COPG1: variants seen among roughly 807,000 people sequenced by gnomAD.
COPG1 encodes the protein coatomer subunit gamma-1.
In COPG1, 29 loss-of-function variants were observed where a neutral mutation model predicts 102.8. That is an observed-to-expected ratio of 0.28 (90% CI 0.21 to 0.38). The LOEUF is 0.38. Among genes scored for constraint, COPG1 ranks in the 10% least tolerant of loss-of-function variants. The pLI is 1.00. For missense variants in COPG1, 875 were observed against 1,132.7 expected (o/e 0.77, Z 3.27); for synonymous variants, 406 against 421.6 (o/e 0.96, Z 0.45).
chr3:129,259,546 C>T (rs1195420693), intron 10 of COPG1, among the ~76,000 whole-genome samples: 5 of 151,782 alleles, frequency 3.3e-5, no homozygotes, highest in African/African-American at 9.7e-5. Flanking sequence ...TATTATATCC[C>T]CCATATTTCC....
chr3:129,254,422 C>G, intron 5 of COPG1: 2 of 477,848 alleles, frequency 4.2e-6, no homozygotes, highest in Non-Finnish European at 7.5e-6. Context: ...GAGTTACATT[C>G]AGGTCACTGG....
chr3:129,267,948 A>G lies in COPG1; in HGVS notation c.1556A>G (p.Asp519Gly). 6.2e-7 allele frequency: 1 copy of G among 1,613,992 alleles called. No homozygotes were observed. The highest frequency in any genetic ancestry group is 8.5e-7 in the Non-Finnish European group (1 of 1,179,920). The change falls in exon 16 of 24, where the codon GAT becomes GGT. Residue 519 changes from aspartate (D) to glycine (G), a missense_variant. Coordinates refer to ENST00000314797, the MANE Select transcript of COPG1 (RefSeq NM_016128.4). ...ILVLLKRCVM[D>G]DDNEVRDRAT... ...TGTCCTGGCTGCAGGTGTGTGATGGATGATGACAATGAAGTAAGGGACCGA... is the reference window on the plus strand; with the variant it reads ...TGTCCTGGCTGCAGGTGTGTGATGGGTGATGACAATGAAGTAAGGGACCGA...
chr3:129,260,449 G>A (rs1485463873), intron 11 of COPG1, 49 bp downstream of exon 11: 5 of 1,586,914 alleles, frequency 3.2e-6, no homozygotes, highest in Non-Finnish European at 4.3e-6. Context: ...TCCAACTGGA[G>A]GTGTGTCCTA....
intron 12 of COPG1, among the ~76,000 whole-genome samples, chr3:129,263,198 G>T (rs997285368): frequency 6.6e-6 from 1 of 152,114 alleles, no homozygotes; most frequent in Admixed American, 6.6e-5. Flanking sequence ...TGAGGGTTGA[G>T]GGGTGGATGT....
At position 129,268,770 on chromosome 3, in the gene COPG1, G is replaced by GAGACAC. The variant is rs371123192; in HGVS notation, c.1774+152_1775-155dup. 3.9e-4 allele frequency: 442 copies of GAGACAC among 1,145,014 alleles called. No individual in the cohort carries two copies. In the African/African-American group the frequency reaches 6.0e-3, roughly 16 times the overall value. The allele number at this position is 1,145,014 out of a possible 1,614,324, so 70.9% of individuals were successfully genotyped here. On this transcript the variant is annotated intron_variant, in intron 17 of 23. Coordinates refer to ENST00000314797, the MANE Select transcript of COPG1 (RefSeq NM_016128.4). ...TTTCCACCTCTGGCTCCAGAAAATA[G>GAGACAC]AGACACACATACACACAGACGTGGG...
intron 2 of COPG1, among the ~76,000 whole-genome samples, chr3:129,251,052 T>C (rs966244315): frequency 3.4e-5 from 5 of 148,614 alleles, no homozygotes; most frequent in Non-Finnish European, 5.9e-5. Flanking sequence ...GCCTCCCAAG[T>C]AGCTGGGACT....
chr3:129,276,823 CTTTTTTTT>C (rs34883126), intron 23 of COPG1, among the ~76,000 whole-genome samples: 1,427 of 129,962 alleles, frequency 0.011, 25 homozygotes, highest in African/African-American at 0.04. Context: ...CAGTGACTTT[CTTTTTTTT>C]TTTTTTTTTT....
intron 21 of COPG1, among the ~76,000 whole-genome samples, 175 bp from the exon 22 acceptor site, chr3:129,274,663 C>T (rs1460056546): frequency 6.6e-6 from 1 of 152,160 alleles, no homozygotes; most frequent in Non-Finnish European, 1.5e-5. Flanking sequence ...TGCCTTTGGG[C>T]ACCTCAAGGA....
intron 13 of COPG1, 148 bp downstream of exon 13, chr3:129,264,147 T>C (rs1940006259): frequency 1.5e-6 from 1 of 683,356 alleles, no homozygotes; most frequent in African/African-American, 1.8e-5. Context: ...TTAAACTCCT[T>C]GTGGACATGT....
chr3:129,250,623 C>A, intron 1 of COPG1, 59 bp from the exon 2 acceptor site: 1 of 1,367,668 alleles, frequency 7.3e-7, no homozygotes, highest in Non-Finnish European at 1.0e-6. Context: ...TTACCTATGT[C>A]TGGGAGAGTT....
chr3:129,261,519 G>A (rs953116202), intron 12 of COPG1, among the ~76,000 whole-genome samples: 1 of 152,172 alleles, frequency 6.6e-6, no homozygotes, highest in Non-Finnish European at 1.5e-5. Context: ...TTCTTTTGGG[G>A]CAGGAGGAAG....
intron 23 of COPG1, among the ~76,000 whole-genome samples, chr3:129,276,911 C>T (rs1045234136): frequency 6.6e-6 from 1 of 150,920 alleles, no homozygotes; most frequent in Non-Finnish European, 1.5e-5. Flanking sequence ...GCAACCTCCG[C>T]CTCCCGGGTT....
chr3:129,261,764 A>G (rs1939930168), intron 12 of COPG1, among the ~76,000 whole-genome samples: 1 of 152,168 alleles, frequency 6.6e-6, no homozygotes, highest in African/African-American at 2.4e-5. Flanking sequence ...GTTCTATGCA[A>G]GATGTCATGT....
intron 11 of COPG1, 27 bp from the exon 12 acceptor site, chr3:129,260,592 C>T: frequency 6.2e-7 from 1 of 1,610,138 alleles, no homozygotes; most frequent in Non-Finnish European, 8.5e-7. Context: ...GGTTCCTGCC[C>T]TCTCTGTCAC....
chr3:129,262,077 G>T (rs1489893577), intron 12 of COPG1, among the ~76,000 whole-genome samples: 3 of 152,048 alleles, frequency 2.0e-5, no homozygotes, highest in African/African-American at 7.2e-5. Context: ...TGGGTTACAA[G>T]AATGCTTTGC....
In COPG1 at chr3:129,275,436, G is replaced by A. The variant is rs1460713926; in HGVS notation, c.2494+144G>A. The A allele has an allele frequency of 3.2e-6, 2 of 623,886 alleles. No individual in the cohort carries two copies. The highest frequency in any genetic ancestry group is 1.8e-5 in the African/African-American group (1 of 54,806). The allele number at this position is 623,886 out of a possible 1,614,324, so 38.6% of individuals were successfully genotyped here. A position where few individuals can be genotyped will look rare whatever the true frequency, so the allele number is the denominator to read the frequency against. On this transcript the variant is annotated intron_variant, in intron 23 of 23. Coordinates refer to ENST00000314797, the MANE Select transcript of COPG1 (RefSeq NM_016128.4). The surrounding 1 kb of genome is among the most constrained non-coding windows in gnomAD (Gnocchi z 5.0). ...CACAAAGTATAAAATAATCTGCAGC[G>A]AAATGTTTCCTCCCTACCTTGGCTG... is the stretch of plus-strand genomic sequence containing the variant.
At chr3:129,259,476 AAAAAG>A (rs1388288952) in intron 10 of COPG1, among the ~76,000 whole-genome samples, 26 of 151,048 alleles carry the variant, frequency 1.7e-4, no homozygotes, top group South Asian at 8.3e-4. Flanking sequence ...AAAAAAAAAA[AAAAAG>A]AAATGGAAAA....
In COPG1 at chr3:129,271,850, G is replaced by T. The variant is rs777029570; in HGVS notation, c.1927G>T (p.Glu643Ter). The change falls in exon 19 of 24, where the codon GAG (glutamate) becomes TAG (stop). Residue 643 changes from glutamate (E) to a stop codon, truncating the protein, a stop_gained. Coordinates refer to ENST00000314797, the MANE Select transcript of COPG1 (RefSeq NM_016128.4). LOFTEE classifies it high-confidence loss of function. The surrounding 1 kb of genome is among the most constrained non-coding windows in gnomAD (Gnocchi z 4.7). ...TGAGCCCGTGGCCCTCACCGAGTCA[G>T]AGACGGAGTATGTCATCCGCTGCAC... ...SPEPVALTES[E>*]TEYVIRCTKH... The T allele has an allele frequency of 2.1e-5, 34 of 1,614,078 alleles. No homozygotes were observed.
chr3:129,274,050 T>C (rs1034852916), intron 21 of COPG1: 1 of 456,000 alleles, frequency 2.2e-6, no homozygotes, highest in African/African-American at 2.0e-5. Context: ...ACATTCGCCA[T>C]TGTGTCATCC....
Sources: allele counts gnomAD v4.1 joint callset (sites outside exome capture counted in the v4.1 genomes callset), GRCh38; gene constraint gnomAD v4.1.1; non-coding constraint Gnocchi (gnomAD v3.1); transcripts MANE v1.5; gene names NCBI Gene and HGNC (gene_info 2026-07-23, HGNC 2026-07-21).